UPP2: variants seen among roughly 807,000 people sequenced by gnomAD.
UPP2 encodes uridine phosphorylase 2.
A neutral mutation model predicts 26.7 loss-of-function variants in UPP2; 23 were observed. The ratio of observed to expected loss-of-function variants is 0.86; its 90% CI spans 0.62 to 1.22. The LOEUF is 1.22. Among genes scored for constraint, UPP2 ranks in the 50% most tolerant of loss-of-function variants. The probability of loss-of-function intolerance (pLI) is 0.00; values close to 1 mark genes in which losing one functional copy is unlikely to be tolerated. For synonymous variants in UPP2, 127 were observed against 141.3 expected, an observed-to-expected ratio of 0.90 and a Z score of 0.72; for missense variants, 387 against 396.7, an observed-to-expected ratio of 0.98 and a Z score of 0.21.
In UPP2 at chr2:157,995,273, G is replaced by C. The variant is rs368016310; in HGVS notation, c.61+14G>C. ...CAAGGCCTGAAGGTTAGTGAGGGAAGAGGAGAAATACATTCATGTCTAAGC... is the reference window on the plus strand; with the variant it reads ...CAAGGCCTGAAGGTTAGTGAGGGAACAGGAGAAATACATTCATGTCTAAGC... On this transcript the variant is annotated intron_variant, in intron 2 of 9. Transcript: ENST00000605860. 1.9e-6 allele frequency: 3 copies of C among 1,613,272 alleles called. No individual in the cohort carries two copies. In the African/African-American group the frequency reaches 4.0e-5, roughly 22 times the overall value.
At chr2:158,089,154 C>G (rs887271387) in intron 3 of UPP2, among the ~76,000 whole-genome samples, 3 of 151,916 alleles carry the variant, frequency 2.0e-5, no homozygotes, top group Non-Finnish European at 4.4e-5. Flanking sequence ...TGGGGTCTTG[C>G]AGTGGCTGCT....
rs572534136 is a variant in UPP2 at position 158,112,338 on chromosome 2, T to C, written c.181-2763T>C. Among the ~76,000 whole-genome samples, 5 of 152,186 alleles carry C rather than the reference T, an allele frequency of 3.3e-5. No individual in the cohort carries two copies. In the South Asian group the frequency reaches 1.0e-3, roughly 32 times the overall value. The stretch of plus-strand genomic sequence containing the variant: ...TACAACTGATTTTCAACAAGCATGC[T>C]AAGACAATTTATTGTGAAAAGAATC... On this transcript the variant is annotated intron_variant, in intron 2 of 6. Transcript: ENST00000005756.
At chr2:158,101,846 A>C (rs1364473562), upstream of UPP2, 2 of 1,327,854 alleles carry the variant, frequency 1.5e-6, no homozygotes, top group East Asian at 3.0e-5. Context: ...GTGGTATAAA[A>C]GTCATGTCAG....
chr2:158,080,025 C>T (rs1172037528), intron 3 of UPP2, among the ~76,000 whole-genome samples: 1 of 152,120 alleles, frequency 6.6e-6, no homozygotes, highest in Non-Finnish European at 1.5e-5. Flanking sequence ...TATCCCTGGT[C>T]TTAGCCCCTT....
At chr2:158,101,807 T>G, upstream of UPP2, 18 of 1,204,452 alleles carry the variant, frequency 1.5e-5, no homozygotes, top group Non-Finnish European at 1.9e-5. Context: ...CCTATCTTCT[T>G]GAGGAAGTGC....
Position 158,031,410 on chromosome 2 carries a change from C to T in UPP2, c.147+15524C>T, listed in dbSNP as rs923118024. Among the ~76,000 whole-genome samples the T allele has an allele frequency of 6.6e-5, 10 of 152,162 alleles. No individual in the cohort carries two copies. In the South Asian group the frequency reaches 1.2e-3, roughly 19 times the overall value. ...TTGGAGAAAAGGAAATTGTTTCTTCCTGGTGGTTTTCTTCATACATTTGAT... is the reference window on the plus strand; with the variant it reads ...TTGGAGAAAAGGAAATTGTTTCTTCTTGGTGGTTTTCTTCATACATTTGAT... On this transcript the variant is annotated intron_variant, in intron 3 of 9. Transcript: ENST00000605860.
chr2:158,043,907 A>C lies in UPP2; in HGVS notation c.147+28021A>C, dbSNP rs367632940. On this transcript the variant is annotated intron_variant, in intron 3 of 9. Transcript: ENST00000605860. Reference sequence around the variant, plus strand: ...CTGTATGACTTTAGGAAAGTTACTTAGTCACCAGGAGGCTCCATTTCCTCA... The same window carrying C: ...CTGTATGACTTTAGGAAAGTTACTTCGTCACCAGGAGGCTCCATTTCCTCA... 7.0e-4 allele frequency among the ~76,000 whole-genome samples: 106 copies of C among 152,334 alleles called. 4 individuals are homozygous for C. The South Asian group carries it at 0.021, about 30-fold the overall frequency.
intron 3 of UPP2, among the ~76,000 whole-genome samples, chr2:158,072,655 GAC>G (rs752363037): frequency 2.2e-5 from 3 of 133,466 alleles, no homozygotes; most frequent in African/African-American, 9.9e-5. Flanking sequence ...CAGACAGACA[GAC>G]AGACAGACAG....
intron 2 of UPP2, among the ~76,000 whole-genome samples, chr2:158,008,955 C>G (rs1265177780): frequency 2.6e-5 from 4 of 152,088 alleles, no homozygotes; most frequent in African/African-American, 9.7e-5. Flanking sequence ...AGAAAGTTAC[C>G]TAAGTATATA....
intron 2 of UPP2, among the ~76,000 whole-genome samples, chr2:158,014,274 A>C (rs1683625748): frequency 6.6e-6 from 1 of 152,212 alleles, no homozygotes; most frequent in African/African-American, 2.4e-5. Flanking sequence ...TGGTGGAATC[A>C]ATTAGGAAAG....
At chr2:158,022,373 T>C (rs2098375880) in intron 3 of UPP2, among the ~76,000 whole-genome samples, 1 of 150,604 alleles carries the variant, frequency 6.6e-6, no homozygotes, top group Non-Finnish European at 1.5e-5. Context: ...GCAGGAGAAT[T>C]GCTTGAACCC....
At chr2:158,099,662 G>A (rs1683042269), upstream of UPP2, among the ~76,000 whole-genome samples, 1 of 152,148 alleles carries the variant, frequency 6.6e-6, no homozygotes, top group Non-Finnish European at 1.5e-5. Flanking sequence ...ACAAAAGCAT[G>A]GTCTCAGGGA....
At chr2:158,014,126 C>T (rs1006378008) in intron 2 of UPP2, among the ~76,000 whole-genome samples, 3 of 152,226 alleles carry the variant, frequency 2.0e-5, no homozygotes, top group South Asian at 4.1e-4. Flanking sequence ...GCATTTACTA[C>T]GCATCTGCTT....
rs549162622 is a variant in UPP2, at chr2:158,119,523, A to G, written c.454+1585A>G. Among the ~76,000 whole-genome samples the G allele has an allele frequency of 9.0e-4, 137 of 152,184 alleles. 2 individuals are homozygous for G. Among genetic ancestry groups the G allele is most frequent in the African/African-American group, 3.2e-3 (132 of 41,560 alleles). ...TTCCTACATGAGCCAACACACCTTA[A>G]CAAGCATAAACTACTCAGTTAAATA... On this transcript the variant is annotated intron_variant, in intron 4 of 6. Coordinates refer to ENST00000005756, the MANE Select transcript of UPP2 (RefSeq NM_173355.4).
intron 3 of UPP2, among the ~76,000 whole-genome samples, chr2:158,116,884 A>T (rs2105223458): frequency 6.7e-6 from 1 of 149,386 alleles, no homozygotes. Context: ...GTCAGGGCAT[A>T]TGCAATGGGA....
chr2:158,111,531 C>G (rs539269651), intron 2 of UPP2, among the ~76,000 whole-genome samples: 42 of 152,248 alleles, frequency 2.8e-4, no homozygotes, highest in African/African-American at 7.9e-4. Flanking sequence ...CTGAAAATCT[C>G]TGTGTCTTAA....
At chr2:158,115,324 C>T (rs1249700229) in intron 3 of UPP2, 65 bp downstream of exon 3, 7 of 1,495,626 alleles carry the variant, frequency 4.7e-6, no homozygotes, top group East Asian at 2.3e-5. Flanking sequence ...GGAACTTTTA[C>T]ATGTAGGAGT....
At chr2:158,097,311 C>T (rs375287613), upstream of UPP2, among the ~76,000 whole-genome samples, 4 of 152,090 alleles carry the variant, frequency 2.6e-5, no homozygotes, top group South Asian at 2.1e-4. Flanking sequence ...TAAATGTTCA[C>T]GCAATTTGAA....
intron 3 of UPP2, among the ~76,000 whole-genome samples, chr2:158,022,617 A>C (rs776203922): frequency 5.3e-5 from 8 of 152,172 alleles, no homozygotes; most frequent in Non-Finnish European, 1.0e-4. Context: ...CTGTGCTTTG[A>C]TAACCTACCA....
Sources: allele counts gnomAD v4.1 joint callset (sites outside exome capture counted in the v4.1 genomes callset), GRCh38; gene constraint gnomAD v4.1.1; transcripts MANE v1.5; gene names NCBI Gene and HGNC (gene_info 2026-07-23, HGNC 2026-07-21).